Variants in EPB41L3 observed in about 807,000 individuals in gnomAD.
EPB41L3 encodes the protein band 4.1-like protein 3.
Under a neutral mutation model 127.1 loss-of-function variants are expected in EPB41L3, and 57 were observed. The ratio of observed to expected loss-of-function variants is 0.45; its 90% CI spans 0.36 to 0.56. The LOEUF (loss-of-function observed/expected upper bound fraction) is 0.56. EPB41L3 is among the 20% of genes least tolerant of loss of function. The pLI is 0.00. For synonymous variants in EPB41L3, 572 were observed against 549.5 expected, an observed-to-expected ratio of 1.04 and a Z score of -0.57; for missense variants, 1,273 against 1,372.2, an observed-to-expected ratio of 0.93 and a Z score of 1.14.
chr18:5,411,252 A>G (rs1392647670), intron 13 of EPB41L3, among the ~76,000 whole-genome samples: 3 of 152,196 alleles, frequency 2.0e-5, no homozygotes. Flanking sequence ...CTAACTAGGT[A>G]TTTTTTAAGA....
intron 2 of EPB41L3, among the ~76,000 whole-genome samples, chr18:5,479,288 G>C (rs11874131): frequency 0.024 from 3,617 of 152,272 alleles, 101 homozygotes; most frequent in Middle Eastern, 0.075. Flanking sequence ...CGCCACCACT[G>C]CCACTAGTCT....
intron 1 of EPB41L3, among the ~76,000 whole-genome samples, chr18:5,499,493 G>GT (rs2091524446): frequency 6.6e-6 from 1 of 152,030 alleles, no homozygotes; most frequent in Non-Finnish European, 1.5e-5. Flanking sequence ...GCTGGGTGCG[G>GT]TGGCTCATAC....
At chr18:5,610,047 G>A in intron 3 of EPB41L3, 1 of 961,938 alleles carries the variant, frequency 1.0e-6, no homozygotes, top group Non-Finnish European at 1.2e-6. Context: ...GCACTGGGAT[G>A]CTGAAGATAG....
intron 3 of EPB41L3, among the ~76,000 whole-genome samples, chr18:5,565,271 G>T (rs1292834132): frequency 2.6e-5 from 4 of 151,980 alleles, no homozygotes; most frequent in Non-Finnish European, 5.9e-5. Context: ...ACTTAGCCGG[G>T]CATGGCAGTG....
In EPB41L3 at chr18:5,395,160, T is replaced by C. The variant is rs200047347; in HGVS notation, c.3073-13A>G. 3.3e-4 allele frequency: 528 copies of C among 1,611,790 alleles called. No homozygotes were observed. Among genetic ancestry groups the C allele is most frequent in the Middle Eastern group, 3.1e-3 (19 of 6,058 alleles). On this transcript the variant is annotated splice_polypyrimidine_tract_variant and intron_variant, in intron 20 of 22. Coordinates refer to ENST00000341928, the MANE Select transcript of EPB41L3 (RefSeq NM_012307.5). ...CCCCTTTCACAGTCTGCAAGACACG[T>C]AGAGAAGCTTTATGAATTTACTCAC...
chr18:5,533,993 T>C (rs1615542), intron 1 of EPB41L3, among the ~76,000 whole-genome samples: 32,668 of 151,822 alleles, frequency 0.22, 3,740 homozygotes, highest in African/African-American at 0.27. Context: ...TGAAACCCCG[T>C]CTCCACTAAA....
At chr18:5,471,048 G>A (rs1045048559) in intron 3 of EPB41L3, among the ~76,000 whole-genome samples, 1 of 152,180 alleles carries the variant, frequency 6.6e-6, no homozygotes, top group Non-Finnish European at 1.5e-5. Flanking sequence ...GCATCCTACA[G>A]TAGGTGTGAG....
At chr18:5,561,677 G>A (rs1049155344) in intron 3 of EPB41L3, among the ~76,000 whole-genome samples, 3 of 152,146 alleles carry the variant, frequency 2.0e-5, no homozygotes, top group African/African-American at 7.2e-5. Flanking sequence ...TAACGTTAGT[G>A]GTTGGAAATT....
chr18:5,412,494 G>A (rs889273388), intron 13 of EPB41L3, among the ~76,000 whole-genome samples: 54 of 152,032 alleles, frequency 3.6e-4, no homozygotes, highest in African/African-American at 1.3e-3. Context: ...CTAAAGTATT[G>A]GGATTACAGG....
intron 3 of EPB41L3, among the ~76,000 whole-genome samples, chr18:5,552,865 G>C (rs1452351665): frequency 6.6e-6 from 1 of 152,158 alleles, no homozygotes; most frequent in Admixed American, 6.5e-5. Flanking sequence ...CACAAGCTCG[G>C]GTAGTCTGAC....
chr18:5,555,221 C>T (rs1227832818), intron 3 of EPB41L3, among the ~76,000 whole-genome samples: 2 of 152,198 alleles, frequency 1.3e-5, no homozygotes, highest in African/African-American at 4.8e-5. Context: ...TCTGCCTCCA[C>T]CAGGGCACCC....
At chr18:5,610,151 A>T (rs2094709232) in intron 3 of EPB41L3, 1 of 985,310 alleles carries the variant, frequency 1.0e-6, no homozygotes, top group African/African-American at 1.7e-5. Flanking sequence ...CACCCACATT[A>T]TCCACGTCCC....
chr18:5,466,020 T>C (rs2084908054), intron 3 of EPB41L3, among the ~76,000 whole-genome samples: 1 of 152,076 alleles, frequency 6.6e-6, no homozygotes, highest in Non-Finnish European at 1.5e-5. Flanking sequence ...GTATGTAACC[T>C]TTAGGCAGAG....
intron 3 of EPB41L3, chr18:5,577,332 C>T (rs2094346026): frequency 6.6e-6 from 3 of 452,288 alleles, no homozygotes; most frequent in South Asian, 3.2e-5. Flanking sequence ...AATTTTACCT[C>T]CAAATCCTAA....
At chr18:5,425,463 G>C (rs965031482) in intron 9 of EPB41L3, among the ~76,000 whole-genome samples, 2 of 152,056 alleles carry the variant, frequency 1.3e-5, no homozygotes, top group African/African-American at 4.8e-5. Context: ...TATTCATCCT[G>C]CAACTAATAT....
At chr18:5,613,105 T>C (rs1017757532) in intron 2 of EPB41L3, among the ~76,000 whole-genome samples, 1 of 152,186 alleles carries the variant, frequency 6.6e-6, no homozygotes, top group Non-Finnish European at 1.5e-5. Context: ...GTCTCTTTTA[T>C]GGTGAGTTGA....
intron 3 of EPB41L3, among the ~76,000 whole-genome samples, chr18:5,570,009 T>C (rs2094256499): frequency 6.6e-6 from 1 of 152,188 alleles, no homozygotes; most frequent in Non-Finnish European, 1.5e-5. Context: ...GTTATTGTAA[T>C]TCTTACAAGG....
chr18:5,555,085 T>G (rs1054415517), intron 3 of EPB41L3, among the ~76,000 whole-genome samples: 4 of 152,226 alleles, frequency 2.6e-5, no homozygotes, highest in African/African-American at 9.6e-5. Context: ...TTAGATTCTG[T>G]CATTTCAGGC....
intron 3 of EPB41L3, among the ~76,000 whole-genome samples, chr18:5,609,056 A>G (rs1002831609): frequency 2.0e-5 from 3 of 152,230 alleles, no homozygotes; most frequent in Admixed American, 1.3e-4. Flanking sequence ...AATTTCAGAA[A>G]TAACAGATTG....
Sources: gnomAD v4.1 joint callset for allele counts (sites outside exome capture counted in the v4.1 genomes callset) on GRCh38, gnomAD v4.1.1 for gene constraint, MANE v1.5 for transcripts, NCBI Gene and HGNC (gene_info 2026-07-23, HGNC 2026-07-21) for gene names.